Variants in RNF180 observed in about 807,000 individuals in gnomAD.
RNF180 encodes the protein E3 ubiquitin-protein ligase RNF180.
In RNF180, 38 loss-of-function variants were observed where a neutral mutation model predicts 59.2. The ratio of observed to expected loss-of-function variants is 0.64; its 90% confidence interval spans 0.50 to 0.84. RNF180 has a LOEUF of 0.84. Among genes scored for constraint, RNF180 ranks in the 40% least tolerant of loss-of-function variants. The pLI is 0.00. For synonymous variants in RNF180, 262 were observed against 240.3 expected (o/e 1.09, Z -0.84); for missense variants, 705 against 700.9 (o/e 1.01, Z -0.07).
intron 5 of RNF180, among the ~76,000 whole-genome samples, chr5:64,233,758 G>T (rs549437506): frequency 6.6e-6 from 1 of 152,214 alleles, no homozygotes; most frequent in East Asian, 1.9e-4. Context: ...ATTCTTTCTT[G>T]TGCGAGGTCC....
chr5:64,258,400 C>G (rs1744114146), intron 5 of RNF180, among the ~76,000 whole-genome samples: 1 of 152,120 alleles, frequency 6.6e-6, no homozygotes, highest in African/African-American at 2.4e-5. Context: ...AGAAGTTATT[C>G]TGGTAAGAGA....
At chr5:64,168,226 TC>T (rs1386972341) in intron 1 of RNF180, among the ~76,000 whole-genome samples, 2 of 152,234 alleles carry the variant, frequency 1.3e-5, no homozygotes, top group Non-Finnish European at 2.9e-5. Context: ...GTACCTATTT[TC>T]TTTGCTAAAT....
At chr5:64,185,883 G>A (rs1474716418) in intron 1 of RNF180, among the ~76,000 whole-genome samples, 1 of 152,188 alleles carries the variant, frequency 6.6e-6, no homozygotes, top group Non-Finnish European at 1.5e-5. Context: ...AAAGGTATCA[G>A]ATGAACAAAG....
In RNF180 at chr5:64,335,013, T is replaced by C. The variant is rs73105027; in HGVS notation, c.1579+4607T>C. On this transcript the variant is annotated intron_variant, in intron 7 of 7. Transcript: ENST00000389100. ...GTGATGATTTATCACCAGCTTTGTC[T>C]ACCACATTTGGTATTTTCAGTCTTT... Among the ~76,000 whole-genome samples the C allele has an allele frequency of 4.9e-3, 752 of 152,314 alleles. 10 individuals are homozygous for C. The highest frequency in any genetic ancestry group is 0.017 in the African/African-American group (704 of 41,568).
chr5:64,333,549 A>G (rs1745003615), intron 7 of RNF180, among the ~76,000 whole-genome samples: 1 of 151,240 alleles, frequency 6.6e-6, no homozygotes, highest in Non-Finnish European at 1.5e-5. Flanking sequence ...AAAGGATTTC[A>G]TACCAAAGAA....
At chr5:64,297,140 TTTAAA>T (rs1742921966) in intron 5 of RNF180, among the ~76,000 whole-genome samples, 1 of 152,078 alleles carries the variant, frequency 6.6e-6, no homozygotes, top group Non-Finnish European at 1.5e-5. Context: ...AAGTAATAAA[TTTAAA>T]TTACTCTGAT....
chr5:64,309,578 G>A (rs960705089), intron 5 of RNF180, among the ~76,000 whole-genome samples: 12 of 151,382 alleles, frequency 7.9e-5, no homozygotes, highest in Non-Finnish European at 1.6e-4. Flanking sequence ...ACCAAATGTG[G>A]TTCTAATATT....
intron 1 of RNF180, among the ~76,000 whole-genome samples, chr5:64,166,471 G>C (rs1749647256): frequency 6.6e-6 from 1 of 152,228 alleles, no homozygotes; most frequent in African/African-American, 2.4e-5. Flanking sequence ...TTTTGTTGCA[G>C]CCTTGGGTCC....
intron 7 of RNF180, among the ~76,000 whole-genome samples, chr5:64,347,416 G>A (rs1169111185): frequency 6.6e-6 from 1 of 152,194 alleles, no homozygotes; most frequent in Admixed American, 6.5e-5. Flanking sequence ...ACTATCTGGA[G>A]AAGAGGGAAG....
At chr5:64,207,946 G>A (rs1752105719) in intron 2 of RNF180, among the ~76,000 whole-genome samples, 1 of 151,964 alleles carries the variant, frequency 6.6e-6, no homozygotes, top group African/African-American at 2.4e-5. Context: ...GAATGTTATT[G>A]CTTACTTTGG....
At chr5:64,318,130 C>G (rs1478516727) in intron 5 of RNF180, among the ~76,000 whole-genome samples, 3 of 152,052 alleles carry the variant, frequency 2.0e-5, no homozygotes, top group South Asian at 4.1e-4. Context: ...TGTATGTGTA[C>G]TATATGTTTT....
chr5:64,171,195 G>A (rs114182458), intron 1 of RNF180, among the ~76,000 whole-genome samples: 2 of 152,170 alleles, frequency 1.3e-5, no homozygotes, highest in African/African-American at 4.8e-5. Flanking sequence ...CTGAGGTTAA[G>A]TATCCCATTC....
intron 5 of RNF180, among the ~76,000 whole-genome samples, chr5:64,284,764 C>T (rs1317707580): frequency 6.6e-6 from 1 of 152,194 alleles, no homozygotes; most frequent in Non-Finnish European, 1.5e-5. Context: ...GACTTCCACT[C>T]TCTCCTGAAT....
intron 1 of RNF180, among the ~76,000 whole-genome samples, chr5:64,168,679 T>C (rs1749775007): frequency 6.6e-6 from 1 of 152,142 alleles, no homozygotes; most frequent in Admixed American, 6.5e-5. Flanking sequence ...TTTTGAATAA[T>C]AAAATGTGGC....
intron 1 of RNF180, among the ~76,000 whole-genome samples, chr5:64,186,316 T>C (rs1561173611): frequency 6.6e-6 from 1 of 152,160 alleles, no homozygotes; most frequent in Non-Finnish European, 1.5e-5. Context: ...CAACATTTGG[T>C]TAAAACAACA....
rs183751013 is a variant in RNF180, at chr5:64,175,012, G to T, written c.-1+9059G>T. ...AGACGGAGTCTCGCTCTGTCCCCCA[G>T]GCTGGAGTGCAGTGGTGCAATCTCG... On this transcript the variant is annotated intron_variant, in intron 1 of 7. Coordinates refer to ENST00000389100, the MANE Select transcript of RNF180 (RefSeq NM_001113561.2). Among the ~76,000 whole-genome samples, 180 of 126,996 alleles carry T rather than the reference G, an allele frequency of 1.4e-3. 1 individual carries two copies. The East Asian group carries it at 0.039, about 28-fold the overall frequency. The allele number at this position is 126,996 out of a possible 152,430, so 83.3% of individuals were successfully genotyped here. A position where few individuals can be genotyped will look rare whatever the true frequency, so the allele number is the denominator to read the frequency against.
intron 5 of RNF180, among the ~76,000 whole-genome samples, chr5:64,265,571 GT>G (rs1210160039): frequency 2.0e-5 from 3 of 152,084 alleles, no homozygotes; most frequent in East Asian, 3.9e-4. Flanking sequence ...CCTGTGTTCT[GT>G]TTCATTGGTC....
chr5:64,275,388 A>G (rs1321566267), intron 5 of RNF180, among the ~76,000 whole-genome samples: 1 of 150,434 alleles, frequency 6.6e-6, no homozygotes, highest in Non-Finnish European at 1.5e-5. Flanking sequence ...ATTAGTCCAT[A>G]GTAGAATAAG....
rs940282076 is a variant in RNF180 at position 64,350,263 on chromosome 5, G to GT, written c.1580-19344dup. ...CCTTTGCCCACTTTGTGATGGGGTTGTTTTTTTTCTTGTAAATTTGTTTGA... is the reference window on the plus strand; with the variant it reads ...CCTTTGCCCACTTTGTGATGGGGTTGTTTTTTTTTCTTGTAAATTTGTTTGA... On this transcript the variant is annotated intron_variant, in intron 7 of 7. Transcript: ENST00000389100. Among the ~76,000 whole-genome samples the GT allele has an allele frequency of 5.9e-5, 9 of 151,862 alleles. No individual in the cohort carries two copies. The East Asian group carries it at 7.7e-4, about 13-fold the overall frequency.
Sources: gnomAD v4.1 joint callset for allele counts (sites outside exome capture counted in the v4.1 genomes callset) on GRCh38, gnomAD v4.1.1 for gene constraint, MANE v1.5 for transcripts, NCBI Gene and HGNC (gene_info 2026-07-23, HGNC 2026-07-21) for gene names.